Variants in GREB1L observed in about 807,000 individuals in gnomAD.
GREB1L encodes GREB1 like retinoic acid receptor coactivator, also known as GREB1-like protein.
A neutral mutation model predicts 200.8 loss-of-function variants in GREB1L; 17 were observed. The ratio of observed to expected loss-of-function variants is 0.08; its 90% confidence interval spans 0.06 to 0.13. The LOEUF is 0.13. Ranked by LOEUF, GREB1L falls within the 10% of genes least tolerant of loss-of-function variation. The pLI is 1.00. For synonymous variants in GREB1L, 789 were observed against 893.0 expected, an observed-to-expected ratio of 0.88 and a Z score of 2.08; for missense variants, 1,657 against 2,367.7, an observed-to-expected ratio of 0.70 and a Z score of 6.23.
At chr18:21,362,292 C>T (rs1192931292) in intron 1 of GREB1L, among the ~76,000 whole-genome samples, 1 of 152,034 alleles carries the variant, frequency 6.6e-6, no homozygotes, top group Admixed American at 6.6e-5. Flanking sequence ...ACCTCCTCCC[C>T]ACAAGTAATT....
intron 7 of GREB1L, among the ~76,000 whole-genome samples, chr18:21,425,153 A>C (rs763685996): frequency 6.6e-6 from 1 of 152,158 alleles, no homozygotes; most frequent in South Asian, 2.1e-4. Context: ...TATATTTGGG[A>C]TACAAGTTCT....
At chr18:21,255,586 T>G (rs2037788443) in intron 1 of GREB1L, among the ~76,000 whole-genome samples, 2 of 152,206 alleles carry the variant, frequency 1.3e-5, no homozygotes, top group African/African-American at 4.8e-5. Context: ...TGAGCCACTT[T>G]CATGCCCAAT....
At chr18:21,497,482 A>G (rs2036589325) in intron 21 of GREB1L, among the ~76,000 whole-genome samples, 1 of 151,974 alleles carries the variant, frequency 6.6e-6, no homozygotes, top group Non-Finnish European at 1.5e-5. Context: ...ATCTCTACTA[A>G]AAATACAAAC....
chr18:21,438,494 C>G (rs2033685054), intron 7 of GREB1L, among the ~76,000 whole-genome samples: 1 of 151,602 alleles, frequency 6.6e-6, no homozygotes, highest in Non-Finnish European at 1.5e-5. Flanking sequence ...GCAAGATGCT[C>G]TCTCTTAAAA....
At chr18:21,242,701 A>G (rs185751142) in intron 1 of GREB1L, among the ~76,000 whole-genome samples, 2 of 152,182 alleles carry the variant, frequency 1.3e-5, no homozygotes, top group Admixed American at 1.3e-4. Context: ...AAGGCCTGTC[A>G]CCGGGCTCTA....
intron 7 of GREB1L, among the ~76,000 whole-genome samples, chr18:21,421,546 A>G (rs1193365755): frequency 6.6e-6 from 1 of 152,184 alleles, no homozygotes; most frequent in Non-Finnish European, 1.5e-5. Context: ...TATAGTCTAC[A>G]TTTTGTACAG....
chr18:21,262,360 G>T (rs749477126), intron 1 of GREB1L, among the ~76,000 whole-genome samples: 5 of 152,052 alleles, frequency 3.3e-5, no homozygotes, highest in Non-Finnish European at 7.4e-5. Context: ...TTAAAAACTA[G>T]AATTCTTTCT....
intron 1 of GREB1L, among the ~76,000 whole-genome samples, chr18:21,245,350 A>G (rs1460668014): frequency 1.3e-5 from 2 of 152,214 alleles, no homozygotes; most frequent in African/African-American, 4.8e-5. Flanking sequence ...GATCCTAAGA[A>G]TAAGAACTAG....
chr18:21,375,127 G>A (rs1001646914), intron 2 of GREB1L, among the ~76,000 whole-genome samples: 2 of 151,198 alleles, frequency 1.3e-5, no homozygotes, highest in African/African-American at 2.4e-5. Flanking sequence ...GCAGTGGCAC[G>A]AACTTGGCTC....
chr18:21,497,904 C>G (rs1220979205), intron 21 of GREB1L, among the ~76,000 whole-genome samples: 1 of 146,986 alleles, frequency 6.8e-6, no homozygotes, highest in Non-Finnish European at 1.5e-5. Context: ...TCACTGCAAC[C>G]TCCAGCTCCC....
chr18:21,273,778 G>A (rs777446566), intron 1 of GREB1L, among the ~76,000 whole-genome samples: 21 of 152,252 alleles, frequency 1.4e-4, no homozygotes, highest in Non-Finnish European at 2.5e-4. Context: ...CTTGACACAC[G>A]GGAGGAACTG....
intron 28 of GREB1L, among the ~76,000 whole-genome samples, chr18:21,515,031 G>C (rs1420652205): frequency 2.0e-5 from 3 of 152,156 alleles, no homozygotes; most frequent in African/African-American, 7.2e-5. Context: ...TTGTGTCCTT[G>C]TTCCTATTTT....
intron 1 of GREB1L, among the ~76,000 whole-genome samples, chr18:21,247,981 G>T (rs2037635387): frequency 6.6e-6 from 1 of 152,034 alleles, no homozygotes; most frequent in South Asian, 2.1e-4. Context: ...AAACCTCAGC[G>T]CCCACTAAAA....
intron 7 of GREB1L, among the ~76,000 whole-genome samples, chr18:21,413,052 G>T (rs966611958): frequency 1.3e-5 from 2 of 152,056 alleles, no homozygotes; most frequent in African/African-American, 4.8e-5. Flanking sequence ...GAAGGGAGTG[G>T]GCAGGAACAA....
chr18:21,436,155 A>C (rs1210300733), intron 7 of GREB1L, among the ~76,000 whole-genome samples: 1 of 152,156 alleles, frequency 6.6e-6, no homozygotes, highest in Non-Finnish European at 1.5e-5. Flanking sequence ...TTGAGAGTTC[A>C]ATTTTAGAAA....
At chr18:21,336,401 G>C (rs548742275) in intron 1 of GREB1L, among the ~76,000 whole-genome samples, 1 of 152,190 alleles carries the variant, frequency 6.6e-6, no homozygotes, top group South Asian at 2.1e-4. Context: ...GAAGTGACCT[G>C]CGTAGCTGCC....
chr18:21,346,463 G>A (rs1345319182), intron 1 of GREB1L, among the ~76,000 whole-genome samples: 1 of 151,634 alleles, frequency 6.6e-6, no homozygotes, highest in Non-Finnish European at 1.5e-5. Flanking sequence ...ATTGAGACCT[G>A]GGCTATATTT....
intron 1 of GREB1L, among the ~76,000 whole-genome samples, chr18:21,268,560 CATATATATATAT>C (rs370094258): frequency 0.023 from 1,490 of 63,476 alleles, 52 homozygotes; most frequent in African/African-American, 0.093. Flanking sequence ...CACACACACA[CATATATATATAT>C]ATATATATAT....
intron 2 of GREB1L, among the ~76,000 whole-genome samples, chr18:21,368,983 G>C (rs1485487476): frequency 6.6e-6 from 1 of 152,132 alleles, no homozygotes; most frequent in Non-Finnish European, 1.5e-5. Context: ...ATTAAATGGG[G>C]CTAGGTAAAT....
Sources: allele counts gnomAD v4.1 joint callset (sites outside exome capture counted in the v4.1 genomes callset), GRCh38; gene constraint gnomAD v4.1.1; transcripts MANE v1.5; gene names NCBI Gene and HGNC (gene_info 2026-07-23, HGNC 2026-07-21).